The following AFG2A variants were observed in gnomAD, a reference collection of about 807,000 sequenced individuals.
AFG2A encodes AAA ATPase AFG2A.
At chr4:122,955,894 C>T in the AFG2A span, among the ~76,000 whole-genome samples, 3 of 152,050 alleles carry the variant, frequency 2.0e-5, no homozygotes, top group Admixed American at 1.3e-4. Flanking sequence ...GATTAGTGGG[C>T]CTGGTCGTAG....
At chr4:123,145,440 GAT>G in the AFG2A span, among the ~76,000 whole-genome samples, 1 of 152,062 alleles carries the variant, frequency 6.6e-6, no homozygotes, top group Non-Finnish European at 1.5e-5. Flanking sequence ...TAAGCAATTA[GAT>G]TACTGCACAC....
the AFG2A span, among the ~76,000 whole-genome samples, chr4:123,300,652 C>T: frequency 9.2e-3 from 1,402 of 152,246 alleles, 25 homozygotes; most frequent in South Asian, 0.086. Flanking sequence ...ATAGTTAATA[C>T]ATGCCACTTG....
At chr4:122,985,744 T>C in the AFG2A span, among the ~76,000 whole-genome samples, 1 of 148,466 alleles carries the variant, frequency 6.7e-6, no homozygotes, top group African/African-American at 2.5e-5. Flanking sequence ...TTCATTTATC[T>C]TTTGTATTTT....
chr4:122,925,503 C>T, the AFG2A span, among the ~76,000 whole-genome samples: 1 of 152,150 alleles, frequency 6.6e-6, no homozygotes, highest in Non-Finnish European at 1.5e-5. Context: ...CCTATGTCTC[C>T]ACCACTCTGC....
chr4:123,133,489 C>CGTGTGT, the AFG2A span, among the ~76,000 whole-genome samples: 27 of 148,124 alleles, frequency 1.8e-4, 1 homozygote, highest in Admixed American at 8.1e-4. Flanking sequence ...TAGGCGTGTG[C>CGTGTGT]GTGTGTGTGT....
At chr4:123,002,382 G>C in the AFG2A span, among the ~76,000 whole-genome samples, 3 of 152,162 alleles carry the variant, frequency 2.0e-5, no homozygotes, top group Admixed American at 6.5e-5. Context: ...ATTAGTTGAT[G>C]CAGTTTCTTC....
At chr4:122,976,583 C>G in the AFG2A span, among the ~76,000 whole-genome samples, 1 of 152,152 alleles carries the variant, frequency 6.6e-6, no homozygotes, top group Non-Finnish European at 1.5e-5. Flanking sequence ...ATTGAGCCTT[C>G]TACACTTATT....
At chr4:123,224,346 G>A in the AFG2A span, among the ~76,000 whole-genome samples, 1 of 151,998 alleles carries the variant, frequency 6.6e-6, no homozygotes, top group African/African-American at 2.4e-5. Flanking sequence ...ATCTCCTAAT[G>A]CTATCCCTCC....
chr4:123,158,275 A>G, the AFG2A span, among the ~76,000 whole-genome samples: 2 of 152,156 alleles, frequency 1.3e-5, no homozygotes, highest in African/African-American at 4.8e-5. Context: ...GTTGTGCTCT[A>G]TTTCTTTTGT....
the AFG2A span, among the ~76,000 whole-genome samples, chr4:123,123,844 C>T: frequency 8.2e-5 from 12 of 145,568 alleles, no homozygotes; most frequent in South Asian, 4.5e-4. Flanking sequence ...CCCAGCTACA[C>T]GGGAGGCTGA....
the AFG2A span, among the ~76,000 whole-genome samples, chr4:123,054,587 G>A: frequency 6.6e-6 from 1 of 151,866 alleles, no homozygotes; most frequent in Non-Finnish European, 1.5e-5. Flanking sequence ...GTGTGGTGGC[G>A]GGCACCTGTA....
At chr4:123,065,753 G>A in the AFG2A span, among the ~76,000 whole-genome samples, 13 of 152,024 alleles carry the variant, frequency 8.6e-5, no homozygotes, top group Non-Finnish European at 1.8e-4. Context: ...AATATGCTGA[G>A]AAAATGGTGC....
the AFG2A span, among the ~76,000 whole-genome samples, chr4:123,051,053 G>A: frequency 2.0e-5 from 3 of 151,786 alleles, no homozygotes; most frequent in Non-Finnish European, 4.4e-5. Context: ...GCCACTCTTG[G>A]TCTTTTTTAA....
the AFG2A span, among the ~76,000 whole-genome samples, chr4:123,263,435 C>T: frequency 6.6e-6 from 1 of 152,310 alleles, no homozygotes; most frequent in Non-Finnish European, 1.5e-5. Context: ...CCTAGCATAG[C>T]ACCTTATATA....
the AFG2A span, among the ~76,000 whole-genome samples, chr4:123,038,395 G>T: frequency 6.6e-6 from 1 of 151,986 alleles, no homozygotes; most frequent in Non-Finnish European, 1.5e-5. Context: ...ACCTCAAATG[G>T]AGCAAAAATA....
At chr4:122,941,192 G>A in the AFG2A span, among the ~76,000 whole-genome samples, 550 of 151,698 alleles carry the variant, frequency 3.6e-3, 2 homozygotes, top group Admixed American at 0.012. Flanking sequence ...AGCTTGATGG[G>A]GATGGCATTG....
chr4:123,157,172 C>T, the AFG2A span, among the ~76,000 whole-genome samples: 143 of 151,844 alleles, frequency 9.4e-4, 3 homozygotes, highest in African/African-American at 3.2e-3. Flanking sequence ...CCTGCCACCA[C>T]GCCCAGCTAA....
the AFG2A span, among the ~76,000 whole-genome samples, chr4:123,246,498 A>G: frequency 3.9e-5 from 6 of 152,300 alleles, no homozygotes; most frequent in South Asian, 8.3e-4. Flanking sequence ...ATTACATACC[A>G]TATGTAATGT....
the AFG2A span, among the ~76,000 whole-genome samples, chr4:123,051,069 G>T: frequency 1.3e-5 from 2 of 151,860 alleles, no homozygotes; most frequent in African/African-American, 4.8e-5. Context: ...TTTAACTAGA[G>T]AATTTAGTCT....
Sources: allele counts gnomAD v4.1 joint callset (sites outside exome capture counted in the v4.1 genomes callset), GRCh38; gene constraint gnomAD v4.1.1; transcripts MANE v1.5; gene names NCBI Gene and HGNC (gene_info 2026-07-23, HGNC 2026-07-21).